CNTNAP2: variants seen among roughly 807,000 people sequenced by gnomAD.
CNTNAP2 encodes the protein contactin-associated protein-like 2.
In CNTNAP2, 98 loss-of-function variants were observed where a neutral mutation model predicts 155.2. That is an observed-to-expected ratio of 0.63 (90% CI 0.54 to 0.75). The LOEUF (loss-of-function observed/expected upper bound fraction) is 0.75, where lower values mean the gene tolerates loss of function less well. Among genes scored for constraint, CNTNAP2 ranks in the 30% least tolerant of loss-of-function variants. CNTNAP2 has a pLI of 0.00. For synonymous variants in CNTNAP2, 651 were observed against 631.2 expected, an observed-to-expected ratio of 1.03 and a Z score of -0.47; for missense variants, 1,727 against 1,688.1, an observed-to-expected ratio of 1.02 and a Z score of -0.40.
intron 11 of CNTNAP2, among the ~76,000 whole-genome samples, chr7:147,492,248 G>T (rs563944779): frequency 6.6e-6 from 1 of 152,236 alleles, no homozygotes; most frequent in Admixed American, 6.5e-5. Context: ...TTCACAATAG[G>T]TTTCAGGATC....
At chr7:147,835,522 G>C (rs1433888098) in intron 13 of CNTNAP2, among the ~76,000 whole-genome samples, 1 of 152,168 alleles carries the variant, frequency 6.6e-6, no homozygotes, top group Non-Finnish European at 1.5e-5. Flanking sequence ...TGGATGAGCA[G>C]TATTGAGGTT....
intron 1 of CNTNAP2, among the ~76,000 whole-genome samples, chr7:146,471,236 T>C (rs1796793054): frequency 6.6e-6 from 1 of 152,234 alleles, no homozygotes; most frequent in Admixed American, 6.5e-5. Context: ...GCTCTTGTTC[T>C]CCATTGTTTA....
At chr7:148,396,106 G>A (rs921584186) in intron 22 of CNTNAP2, among the ~76,000 whole-genome samples, 1 of 152,146 alleles carries the variant, frequency 6.6e-6, no homozygotes, top group African/African-American at 2.4e-5. Flanking sequence ...GTCACGTGGG[G>A]CTGGCTAAGT....
intron 1 of CNTNAP2, among the ~76,000 whole-genome samples, chr7:146,374,172 G>T (rs1327838909): frequency 4.6e-5 from 7 of 151,744 alleles, no homozygotes; most frequent in South Asian, 2.1e-4. Flanking sequence ...TTTTAAAGTT[G>T]TATATGTGAT....
At chr7:146,155,685 CATT>C (rs58328058) in intron 1 of CNTNAP2, among the ~76,000 whole-genome samples, 26,739 of 146,622 alleles carry the variant, frequency 0.18, 4,024 homozygotes, top group African/African-American at 0.42. Context: ...AAAACAATAT[CATT>C]ATTATTATTA....
intron 1 of CNTNAP2, among the ~76,000 whole-genome samples, chr7:146,185,685 C>A (rs920515096): frequency 6.6e-6 from 1 of 150,970 alleles, no homozygotes. Flanking sequence ...TCCTCTAGTT[C>A]TTTCTCATTT....
chr7:146,352,834 A>C (rs1434617747), intron 1 of CNTNAP2, among the ~76,000 whole-genome samples: 1 of 134,644 alleles, frequency 7.4e-6, no homozygotes, highest in Non-Finnish European at 1.5e-5. Flanking sequence ...GGCTCACTGC[A>C]AGCTCCGCCT....
intron 13 of CNTNAP2, among the ~76,000 whole-genome samples, chr7:147,666,818 A>G (rs928279041): frequency 6.6e-6 from 1 of 152,240 alleles, no homozygotes; most frequent in Non-Finnish European, 1.5e-5. Flanking sequence ...GAAAATCAGT[A>G]ATGGTTATTG....
chr7:147,614,762 A>C (rs6464832), intron 12 of CNTNAP2, among the ~76,000 whole-genome samples: 6 of 151,582 alleles, frequency 4.0e-5, no homozygotes, highest in Admixed American at 1.3e-4. Context: ...TTCTATTATA[A>C]TGAAGTTCTT....
intron 13 of CNTNAP2, among the ~76,000 whole-genome samples, chr7:147,779,680 A>G (rs556237119): frequency 7.9e-5 from 12 of 152,294 alleles, no homozygotes; most frequent in African/African-American, 2.6e-4. Context: ...TTAAATTCCT[A>G]TAGTATTCTT....
At chr7:146,478,440 C>T (rs945131058) in intron 1 of CNTNAP2, among the ~76,000 whole-genome samples, 1 of 152,038 alleles carries the variant, frequency 6.6e-6, no homozygotes, top group African/African-American at 2.4e-5. Flanking sequence ...CACCAACACC[C>T]TCCAAGCGGG....
intron 1 of CNTNAP2, among the ~76,000 whole-genome samples, chr7:146,499,742 T>C (rs893797331): frequency 1.3e-5 from 2 of 152,158 alleles, no homozygotes; most frequent in Admixed American, 6.6e-5. Context: ...GTTTCCAGGA[T>C]TAGCTTTCTA....
At chr7:148,034,973 G>T (rs886153779) in intron 15 of CNTNAP2, among the ~76,000 whole-genome samples, 4 of 152,190 alleles carry the variant, frequency 2.6e-5, no homozygotes, top group African/African-American at 4.8e-5. Flanking sequence ...TGGCTGAATT[G>T]TTCATGCCCT....
intron 1 of CNTNAP2, among the ~76,000 whole-genome samples, chr7:146,686,117 T>G (rs1362079076): frequency 6.6e-6 from 1 of 152,048 alleles, no homozygotes; most frequent in East Asian, 1.9e-4. Context: ...GGCAACATAC[T>G]GAGACACTGT....
At chr7:147,572,519 A>G (rs898556435) in intron 12 of CNTNAP2, among the ~76,000 whole-genome samples, 3 of 152,164 alleles carry the variant, frequency 2.0e-5, no homozygotes, top group Admixed American at 2.0e-4. Flanking sequence ...ACAATATCTT[A>G]TAGACACTGC....
intron 3 of CNTNAP2, among the ~76,000 whole-genome samples, chr7:146,982,082 G>C (rs1362605165): frequency 1.3e-5 from 2 of 152,010 alleles, no homozygotes; most frequent in East Asian, 1.9e-4. Context: ...TTCTTTCTTT[G>C]ATTTTCCCTC....
intron 15 of CNTNAP2, among the ~76,000 whole-genome samples, chr7:148,018,695 G>A (rs752032940): frequency 3.2e-4 from 49 of 152,214 alleles, no homozygotes; most frequent in Non-Finnish European, 1.9e-4. Flanking sequence ...GTATCCCGGA[G>A]CACCTCCACA....
intron 13 of CNTNAP2, among the ~76,000 whole-genome samples, chr7:147,879,855 T>A (rs1022170443): frequency 1.3e-5 from 2 of 152,130 alleles, no homozygotes; most frequent in East Asian, 1.9e-4. Context: ...TGAGTGGAGC[T>A]GTTTGAGGGG....
At chr7:147,777,241 C>T (rs537648674) in intron 13 of CNTNAP2, among the ~76,000 whole-genome samples, 3 of 152,174 alleles carry the variant, frequency 2.0e-5, no homozygotes, top group East Asian at 3.9e-4. Context: ...CATAAATCCC[C>T]ATGTATCTCT....
Sources: gnomAD v4.1 joint callset for allele counts (sites outside exome capture counted in the v4.1 genomes callset) on GRCh38, gnomAD v4.1.1 for gene constraint, MANE v1.5 for transcripts, NCBI Gene and HGNC (gene_info 2026-07-23, HGNC 2026-07-21) for gene names.